Variants in LRBA observed in about 807,000 individuals in gnomAD.
LRBA encodes lipopolysaccharide-responsive and beige-like anchor protein.
A neutral mutation model predicts 330.0 loss-of-function variants in LRBA; 176 were observed. The ratio of observed to expected loss-of-function variants is 0.53; its 90% CI spans 0.47 to 0.60. The LOEUF is 0.60. Ranked by LOEUF, LRBA falls within the 20% of genes least tolerant of loss-of-function variation. LRBA has a pLI of 0.00. For synonymous variants in LRBA, 1,230 were observed against 1,193.0 expected, an observed-to-expected ratio of 1.03 and a Z score of -0.64; for missense variants, 3,259 against 3,444.8, an observed-to-expected ratio of 0.95 and a Z score of 1.35.
chr4:150,865,864 C>T (rs1392183935), intron 22 of LRBA, among the ~76,000 whole-genome samples: 4 of 151,992 alleles, frequency 2.6e-5, no homozygotes, highest in African/African-American at 7.2e-5. Context: ...TACAGGTGCA[C>T]GCCACCACGC....
At chr4:150,458,273 G>C (rs1005361697) in intron 44 of LRBA, among the ~76,000 whole-genome samples, 1 of 151,820 alleles carries the variant, frequency 6.6e-6, no homozygotes, top group Non-Finnish European at 1.5e-5. Context: ...AACAAATCCT[G>C]TAAATGCCTT....
chr4:150,543,663 G>A (rs539930349), intron 40 of LRBA, among the ~76,000 whole-genome samples: 2 of 152,082 alleles, frequency 1.3e-5, no homozygotes, highest in East Asian at 3.9e-4. Flanking sequence ...TTACATATAT[G>A]GTCATTATAT....
At chr4:150,512,718 A>G (rs911696311) in intron 40 of LRBA, among the ~76,000 whole-genome samples, 5 of 49,850 alleles carry the variant, frequency 1.0e-4, no homozygotes, top group Admixed American at 1.8e-4. Flanking sequence ...GCTTTTTGAG[A>G]AAAAAAAAAA....
At chr4:150,884,592 T>C (rs917879374) in intron 17 of LRBA, among the ~76,000 whole-genome samples, 6 of 151,862 alleles carry the variant, frequency 4.0e-5, no homozygotes, top group African/African-American at 1.2e-4. Context: ...AAGAGTGCTA[T>C]GGAAAGAAAA....
At chr4:150,489,578 T>TACATA (rs1561251957) in intron 41 of LRBA, among the ~76,000 whole-genome samples, 3 of 71,880 alleles carry the variant, frequency 4.2e-5, no homozygotes, top group Non-Finnish European at 5.5e-5. Flanking sequence ...TATATAAGAA[T>TACATA]ATATAATATA....
chr4:150,391,874 G>C (rs549699832), intron 47 of LRBA, among the ~76,000 whole-genome samples: 1 of 148,644 alleles, frequency 6.7e-6, no homozygotes, highest in African/African-American at 2.5e-5. Flanking sequence ...CCTTCTAACT[G>C]GTTTCCTTTC....
chr4:150,540,020 T>C (rs990374529), intron 40 of LRBA, among the ~76,000 whole-genome samples: 5 of 152,238 alleles, frequency 3.3e-5, no homozygotes, highest in African/African-American at 1.2e-4. Context: ...TCATTTGAAG[T>C]ATACTGAATA....
rs183726040 is a variant in LRBA, at chr4:150,652,286, G to A, written c.5921+31265C>T. On this transcript the variant is annotated intron_variant, in intron 37 of 56. Coordinates refer to ENST00000651943, the MANE Select transcript of LRBA (RefSeq NM_001364905.1). Reference sequence around the variant, plus strand: ...TTAACAGCTAGTTTGTTCAAATCAGGATCCAAGGTCCATAAAATGTGCCTG... The same window carrying A: ...TTAACAGCTAGTTTGTTCAAATCAGAATCCAAGGTCCATAAAATGTGCCTG... 2.6e-3 allele frequency among the ~76,000 whole-genome samples: 390 copies of A among 152,004 alleles called. 1 individual carries two copies. Among genetic ancestry groups the A allele is most frequent in the African/African-American group, 6.4e-3 (265 of 41,450 alleles).
chr4:150,613,091 A>C (rs1336401199), intron 37 of LRBA, among the ~76,000 whole-genome samples: 1 of 152,214 alleles, frequency 6.6e-6, no homozygotes, highest in Non-Finnish European at 1.5e-5. Flanking sequence ...TAGAGCCATA[A>C]CATAAAAAAT....
chr4:150,678,908 A>G (rs1045513697), intron 37 of LRBA, among the ~76,000 whole-genome samples: 3 of 152,178 alleles, frequency 2.0e-5, no homozygotes, highest in Non-Finnish European at 4.4e-5. Context: ...ACGGAATCAA[A>G]TGCCTAAGAT....
chr4:150,304,635 A>G (rs1730125076), intron 52 of LRBA, among the ~76,000 whole-genome samples: 1 of 152,172 alleles, frequency 6.6e-6, no homozygotes, highest in South Asian at 2.1e-4. Flanking sequence ...AAATAAGCTT[A>G]TATCAATAAA....
chr4:150,659,062 C>G (rs1270992068), intron 37 of LRBA, among the ~76,000 whole-genome samples: 2 of 134,464 alleles, frequency 1.5e-5, no homozygotes, highest in East Asian at 4.9e-4. Flanking sequence ...GATCTCGGCT[C>G]ACTACAACCC....
chr4:150,608,978 G>A (rs754222366), intron 37 of LRBA, among the ~76,000 whole-genome samples: 63 of 151,592 alleles, frequency 4.2e-4, no homozygotes, highest in Non-Finnish European at 8.0e-4. Flanking sequence ...GTGTAGATAC[G>A]CTGCATTTTG....
chr4:150,915,822 T>A (rs931174014), intron 7 of LRBA, 95 bp from the exon 8 acceptor site: 12 of 911,624 alleles, frequency 1.3e-5, no homozygotes, highest in Non-Finnish European at 1.8e-5. Flanking sequence ...TAAGTTGTAA[T>A]TCAACCTAAA....
Position 150,275,495 on chromosome 4 carries a change from C to G in LRBA, c.8468+2358G>C, listed in dbSNP as rs1580867149. Reference sequence around the variant, plus strand: ...AGGAAAAGAGGAAGTCAAATTATCCCTGTTTGCAGATGACATGATTGTATA... The same window carrying G: ...AGGAAAAGAGGAAGTCAAATTATCCGTGTTTGCAGATGACATGATTGTATA... On this transcript the variant is annotated intron_variant, in intron 56 of 56. Transcript: ENST00000651943. 2.0e-5 allele frequency among the ~76,000 whole-genome samples: 3 copies of G among 152,272 alleles called. No homozygotes were observed. The Middle Eastern group carries it at 0.01, about 518-fold the overall frequency.
chr4:150,620,786 T>C (rs1776215868), intron 37 of LRBA, among the ~76,000 whole-genome samples: 3 of 152,076 alleles, frequency 2.0e-5, no homozygotes, highest in Non-Finnish European at 2.9e-5. Flanking sequence ...AGTGATATAA[T>C]GGACTATGGG....
At chr4:150,537,216 A>C (rs1254759896) in intron 40 of LRBA, among the ~76,000 whole-genome samples, 1 of 152,240 alleles carries the variant, frequency 6.6e-6, no homozygotes, top group African/African-American at 2.4e-5. Context: ...GACAAAGATA[A>C]GCAATGGCGA....
chr4:150,979,946 G>T lies in LRBA; in HGVS notation c.216+34481C>A, dbSNP rs148892322. On this transcript the variant is annotated intron_variant, in intron 2 of 56. Coordinates refer to ENST00000651943, the MANE Select transcript of LRBA (RefSeq NM_001364905.1). ...CAAATTATTCCGAAAAATAGGGGAG[G>T]GAATACTTCCAAACTCATTCAACAT... Among the ~76,000 whole-genome samples, 621 of 152,020 alleles carry T rather than the reference G, an allele frequency of 4.1e-3. 6 individuals are homozygous for T. The highest frequency in any genetic ancestry group is 0.014 in the African/African-American group (594 of 41,464).
chr4:150,346,889 G>C (rs1350424199), intron 48 of LRBA, among the ~76,000 whole-genome samples: 1 of 151,572 alleles, frequency 6.6e-6, no homozygotes, highest in African/African-American at 2.4e-5. Context: ...TTGAAAGCAG[G>C]CATTTGAACA....
Sources: allele counts gnomAD v4.1 joint callset (sites outside exome capture counted in the v4.1 genomes callset), GRCh38; gene constraint gnomAD v4.1.1; transcripts MANE v1.5; gene names NCBI Gene and HGNC (gene_info 2026-07-23, HGNC 2026-07-21).